FRMD4B: variants seen among roughly 807,000 people sequenced by gnomAD.
FRMD4B encodes FERM domain-containing protein 4B.
In FRMD4B, 74 loss-of-function variants were observed where a neutral mutation model predicts 141.5. The ratio of observed to expected loss-of-function variants is 0.52; its 90% CI spans 0.43 to 0.63. FRMD4B has a LOEUF of 0.63. Ranked by LOEUF, FRMD4B falls within the 30% of genes least tolerant of loss-of-function variation. The pLI is 0.00. For missense variants in FRMD4B, 1,366 were observed against 1,253.4 expected (o/e 1.09, Z -1.36); for synonymous variants, 506 against 467.9 (o/e 1.08, Z -1.05).
At chr3:69,488,879 C>T (rs994998448) in intron 1 of FRMD4B, among the ~76,000 whole-genome samples, 23 of 117,348 alleles carry the variant, frequency 2.0e-4, no homozygotes, top group African/African-American at 6.8e-4. Context: ...GGTGACAGAG[C>T]GAGACTCCAT....
intron 7 of FRMD4B, among the ~76,000 whole-genome samples, chr3:69,240,831 T>C (rs1164002290): frequency 1.3e-5 from 2 of 152,242 alleles, no homozygotes; most frequent in Non-Finnish European, 2.9e-5. Flanking sequence ...CGGGGGAATG[T>C]AGAATTCTCC....
At chr3:69,231,017 A>G (rs2093301138) in intron 7 of FRMD4B, among the ~76,000 whole-genome samples, 1 of 152,240 alleles carries the variant, frequency 6.6e-6, no homozygotes, top group South Asian at 2.1e-4. Flanking sequence ...AGGTGATAAA[A>G]CTATGAGGAA....
At chr3:69,229,699 A>C (rs922461627) in intron 7 of FRMD4B, among the ~76,000 whole-genome samples, 2 of 152,178 alleles carry the variant, frequency 1.3e-5, no homozygotes, top group African/African-American at 4.8e-5. Context: ...AGGAAATGCA[A>C]ATTAAATCCT....
intron 1 of FRMD4B, among the ~76,000 whole-genome samples, chr3:69,338,683 A>C (rs78881576): frequency 0.031 from 4,698 of 152,176 alleles, 247 homozygotes; most frequent in African/African-American, 0.11. Flanking sequence ...GGCCTACTTG[A>C]GGGTAGAGGG....
At chr3:69,397,912 G>A (rs1484398491) in intron 2 of FRMD4B, among the ~76,000 whole-genome samples, 1 of 152,114 alleles carries the variant, frequency 6.6e-6, no homozygotes, top group Admixed American at 6.5e-5. Flanking sequence ...AAAAAGAGAG[G>A]TAAAACCACA....
At chr3:69,386,535 A>C (rs1229983837), upstream of FRMD4B, among the ~76,000 whole-genome samples, 1 of 151,912 alleles carries the variant, frequency 6.6e-6, no homozygotes, top group Non-Finnish European at 1.5e-5. Flanking sequence ...CACTGATAAA[A>C]CACCTCTGGG....
At chr3:69,449,507 C>A (rs1705461171) in intron 1 of FRMD4B, among the ~76,000 whole-genome samples, 1 of 152,166 alleles carries the variant, frequency 6.6e-6, no homozygotes, top group Non-Finnish European at 1.5e-5. Flanking sequence ...TAGATATTAT[C>A]TCCTAGCCCC....
intron 1 of FRMD4B, among the ~76,000 whole-genome samples, chr3:69,440,013 C>G (rs766818034): frequency 2.0e-5 from 3 of 152,080 alleles, no homozygotes; most frequent in African/African-American, 4.8e-5. Flanking sequence ...TTGCAAATGC[C>G]TTCTACCAGT....
chr3:69,429,034 C>T (rs368122337), intron 2 of FRMD4B, among the ~76,000 whole-genome samples: 26 of 152,158 alleles, frequency 1.7e-4, no homozygotes, highest in African/African-American at 4.6e-4. Context: ...TTTCATAATA[C>T]ACACCATTTT....
rs371442178 is a variant in FRMD4B, at chr3:69,181,243, T to G, written c.2507A>C (p.Asn836Thr). 16 of 1,613,512 alleles carry G rather than the reference T, an allele frequency of 9.9e-6. No homozygotes were observed. The highest frequency in any genetic ancestry group is 1.4e-5 in the Non-Finnish European group (16 of 1,179,556). Residue 836 changes from asparagine (N) to threonine (T), a missense_variant, in exon 21 of 23, where the codon AAC becomes ACC. Coordinates refer to ENST00000398540, the MANE Select transcript of FRMD4B (RefSeq NM_015123.3). ...ENDTEGQYSV[N>T]PSYRSSAHYG... ...GTGGGCTGAGGACCGGTAGGAAGGGTTGACACTATACTGTCCCTCGGTGTC... is the reference window on the plus strand; with the variant it reads ...GTGGGCTGAGGACCGGTAGGAAGGGGTGACACTATACTGTCCCTCGGTGTC...
chr3:69,238,763 T>A (rs1009542661), intron 7 of FRMD4B, among the ~76,000 whole-genome samples: 2 of 152,158 alleles, frequency 1.3e-5, no homozygotes, highest in African/African-American at 4.8e-5. Flanking sequence ...CCAGCCAGGA[T>A]AACAGAGAAA....
chr3:69,323,612 A>ATATATATATATATATG (rs1702087626), intron 1 of FRMD4B, among the ~76,000 whole-genome samples: 1 of 19,376 alleles, frequency 5.2e-5, no homozygotes, highest in Non-Finnish European at 9.5e-5. Context: ...CTCTGTGTAT[A>ATATATATATATATATG]TATATATATA....
In FRMD4B at chr3:69,187,549, A is replaced by AT. The variant is rs1439685084; in HGVS notation, c.1919+220_1919+221insA. ...GAGTGAAACTCCACCTCAAAAAAAA[A>AT]AAAATATATATATATATACATATAT... On this transcript the variant is annotated intron_variant, in intron 19 of 22. Coordinates refer to ENST00000398540, the MANE Select transcript of FRMD4B (RefSeq NM_015123.3). Among the ~76,000 whole-genome samples the AT allele has an allele frequency of 3.2e-3, 441 of 136,420 alleles. 2 individuals are homozygous for AT. Among genetic ancestry groups the AT allele is most frequent in the South Asian group, 1.0e-2 (44 of 4,410 alleles). The allele number at this position is 136,420 out of a possible 152,430, so 89.5% of individuals were successfully genotyped here.
Position 69,193,793 on chromosome 3 carries a change from C to T in FRMD4B, c.1569G>A (p.Glu523=). 6.2e-7 allele frequency: 1 copy of T among 1,613,738 alleles called. No homozygotes were observed. Among genetic ancestry groups the T allele is most frequent in the Non-Finnish European group, 8.5e-7 (1 of 1,179,642 alleles). ...TCTTCACAGTTTTACAAAGGTCTGG[C>T]TCATTGGCAAGTTTCTTTGCAGCTT... The part of the protein sequence containing the change: ...LVEAAKKLAN[E]PDLCKTVKKK... The change falls in exon 17 of 23, where the codon GAG becomes GAA. Residue 523 remains glutamate, a synonymous_variant. Transcript: ENST00000398540.
rs1002578291 is a variant in FRMD4B, at chr3:69,242,719, G to C, written c.581+6507C>G. On this transcript the variant is annotated intron_variant, in intron 7 of 22. Coordinates refer to ENST00000398540, the MANE Select transcript of FRMD4B (RefSeq NM_015123.3). The stretch of plus-strand genomic sequence containing the variant: ...GGAAAAAAAAAAAAAGGCCGGGCTC[G>C]TTGCTCACCTGTAATCTGTAATCCC... 4.0e-5 allele frequency among the ~76,000 whole-genome samples: 6 copies of C among 148,646 alleles called. No individual in the cohort carries two copies. In the South Asian group the frequency reaches 8.4e-4, roughly 21 times the overall value.
intron 19 of FRMD4B, among the ~76,000 whole-genome samples, 198 bp downstream of exon 19, chr3:69,187,572 T>C (rs1483797072): frequency 3.5e-5 from 5 of 144,496 alleles, no homozygotes; most frequent in African/African-American, 1.3e-4. Flanking sequence ...TATATACATA[T>C]ATATATATGT....
chr3:69,491,929 G>A (rs900092996), intron 1 of FRMD4B, among the ~76,000 whole-genome samples: 1 of 152,226 alleles, frequency 6.6e-6, no homozygotes, highest in African/African-American at 2.4e-5. Context: ...GTGTTGTCAT[G>A]CTCAAACAAC....
At chr3:69,200,213 G>GA (rs1341760065) in intron 11 of FRMD4B, among the ~76,000 whole-genome samples, 1 of 151,970 alleles carries the variant, frequency 6.6e-6, no homozygotes, top group African/African-American at 2.4e-5. Flanking sequence ...GCAGGCATGG[G>GA]AAAAAAGGGT....
upstream of FRMD4B, among the ~76,000 whole-genome samples, chr3:69,390,350 T>A (rs1704354563): frequency 6.6e-6 from 1 of 152,130 alleles, no homozygotes; most frequent in Non-Finnish European, 1.5e-5. Context: ...TTGAGGTGAA[T>A]GAAAACAAGG....
Sources: allele counts gnomAD v4.1 joint callset (sites outside exome capture counted in the v4.1 genomes callset), GRCh38; gene constraint gnomAD v4.1.1; transcripts MANE v1.5; gene names NCBI Gene and HGNC (gene_info 2026-07-23, HGNC 2026-07-21).